Variants in PDE4D observed in about 807,000 individuals in gnomAD.
PDE4D encodes the protein 3',5'-cyclic-AMP phosphodiesterase 4D.
In PDE4D, 24 loss-of-function variants were observed where a neutral mutation model predicts 87.4. The ratio of observed to expected loss-of-function variants is 0.27; its 90% CI spans 0.20 to 0.39. PDE4D has a LOEUF of 0.39. PDE4D is among the 10% of genes least tolerant of loss of function. The pLI is 1.00. For synonymous variants in PDE4D, 384 were observed against 383.2 expected (o/e 1.00, Z -0.02); for missense variants, 714 against 1,041.0 (o/e 0.69, Z 4.32).
intron 1 of PDE4D, among the ~76,000 whole-genome samples, chr5:60,376,219 C>CTGGGCCCT (rs1245507103): frequency 1.3e-5 from 2 of 152,142 alleles, no homozygotes. Context: ...GAATGGGCCA[C>CTGGGCCCT]AAACTGCTCT....
chr5:59,208,508 G>C (rs1461367796), intron 2 of PDE4D, among the ~76,000 whole-genome samples: 4 of 152,178 alleles, frequency 2.6e-5, no homozygotes, highest in African/African-American at 9.7e-5. Context: ...ATGATACTTA[G>C]AGGTGCTGGC....
chr5:59,938,465 G>A (rs1756846365), intron 3 of PDE4D, among the ~76,000 whole-genome samples: 1 of 152,178 alleles, frequency 6.6e-6, no homozygotes, highest in African/African-American at 2.4e-5. Flanking sequence ...TGAAGAATAT[G>A]CAATCCAGCC....
intron 3 of PDE4D, among the ~76,000 whole-genome samples, chr5:59,933,252 T>A (rs557532725): frequency 4.4e-4 from 67 of 152,356 alleles, no homozygotes; most frequent in African/African-American, 1.6e-3. Flanking sequence ...ATTATTGATA[T>A]GTCTCTAAAC....
intron 1 of PDE4D, among the ~76,000 whole-genome samples, chr5:59,688,457 T>C (rs1750299169): frequency 6.6e-6 from 1 of 152,106 alleles, no homozygotes; most frequent in Non-Finnish European, 1.5e-5. Context: ...AACAACCTGC[T>C]CCTGAATGAC....
rs190905110 is a variant in PDE4D, at chr5:60,162,850, C to T, written c.42+22707G>A. ...GAAAGCCCAACACTTGGCACCCCTTCTACCTGGTACCACAGACTTAGTTTG... is the reference window on the plus strand; with the variant it reads ...GAAAGCCCAACACTTGGCACCCCTTTTACCTGGTACCACAGACTTAGTTTG... On this transcript the variant is annotated intron_variant, in intron 2 of 16. Coordinates refer to the PDE4D transcript ENST00000502484. 3.7e-4 allele frequency among the ~76,000 whole-genome samples: 56 copies of T among 152,184 alleles called. 1 individual carries two copies. The highest frequency in any genetic ancestry group is 3.4e-3 in the Middle Eastern group (1 of 290).
At chr5:60,231,145 T>C (rs1408548714) in intron 1 of PDE4D, among the ~76,000 whole-genome samples, 1 of 152,032 alleles carries the variant, frequency 6.6e-6, no homozygotes, top group East Asian at 1.9e-4. Flanking sequence ...AACAGATTCA[T>C]TCTTCCATTT....
chr5:59,415,239 T>G lies in PDE4D; in HGVS notation c.456-199271A>C, dbSNP rs189228112. On this transcript the variant is annotated intron_variant, in intron 1 of 14. Transcript: ENST00000340635. ...ATCACTCTAAGGTTCTGAGTTTAAG[T>G]GGAAAAATAGCAATGTCCTGAAGAA... Among the ~76,000 whole-genome samples the G allele has an allele frequency of 3.2e-3, 494 of 152,178 alleles. 2 individuals carry two copies. Among genetic ancestry groups the G allele is most frequent in the Non-Finnish European group, 3.5e-3 (241 of 67,996 alleles).
chr5:60,335,994 G>C (rs1247466307), intron 1 of PDE4D, among the ~76,000 whole-genome samples: 1 of 152,134 alleles, frequency 6.6e-6, no homozygotes, highest in Non-Finnish European at 1.5e-5. Flanking sequence ...TGGTCACTTG[G>C]TCAGGGCTCT....
chr5:60,187,163 G>T (rs1360428545), intron 1 of PDE4D, among the ~76,000 whole-genome samples: 3 of 152,314 alleles, frequency 2.0e-5, no homozygotes, highest in East Asian at 3.9e-4. Flanking sequence ...TCAAATGTGA[G>T]TTGCTAAGAT....
In PDE4D at chr5:59,200,333, A is replaced by C. The variant is rs556892287; in HGVS notation, c.648-6797T>G. 3.3e-4 allele frequency among the ~76,000 whole-genome samples: 40 copies of C among 120,174 alleles called. 2 individuals are homozygous for C. The highest frequency in any genetic ancestry group is 1.3e-3 in the African/African-American group (36 of 27,038). 78.8% of individuals were successfully genotyped at this position (120,174 alleles called of 152,430 possible). On this transcript the variant is annotated intron_variant, in intron 2 of 14. Transcript: ENST00000340635. ...CAGCTACACGTATACATACACGTGTATGTACAGCTACACGTATACATACAC... is the reference window on the plus strand; with the variant it reads ...CAGCTACACGTATACATACACGTGTCTGTACAGCTACACGTATACATACAC...
intron 1 of PDE4D, among the ~76,000 whole-genome samples, chr5:59,461,965 G>A (rs1223165987): frequency 6.6e-6 from 1 of 152,054 alleles, no homozygotes; most frequent in African/African-American, 2.4e-5. Flanking sequence ...CTAGCATTTT[G>A]TTAACAGATA....
At chr5:59,848,404 A>G (rs375169653) in intron 1 of PDE4D, among the ~76,000 whole-genome samples, 1 of 152,154 alleles carries the variant, frequency 6.6e-6, no homozygotes, top group East Asian at 1.9e-4. Context: ...TAAATCCATT[A>G]TTTTTGGTGT....
At chr5:59,586,432 T>A (rs905483303) in intron 1 of PDE4D, 2 of 1,591,076 alleles carry the variant, frequency 1.3e-6, no homozygotes, top group African/African-American at 2.7e-5. Flanking sequence ...CATGTAGTGA[T>A]TTTTACAGAT....
chr5:60,388,425 C>T (rs1452759611), intron 1 of PDE4D, among the ~76,000 whole-genome samples: 1 of 151,412 alleles, frequency 6.6e-6, no homozygotes, highest in Non-Finnish European at 1.5e-5. Flanking sequence ...ATATGCAGAA[C>T]GTGCAGGTTT....
At chr5:60,085,044 T>G (rs1774387206) in intron 2 of PDE4D, among the ~76,000 whole-genome samples, 1 of 152,148 alleles carries the variant, frequency 6.6e-6, no homozygotes, top group African/African-American at 2.4e-5. Context: ...TTCCTAAGAG[T>G]AATAATCTAC....
At chr5:60,102,208 G>A (rs1776284406) in intron 2 of PDE4D, among the ~76,000 whole-genome samples, 1 of 151,732 alleles carries the variant, frequency 6.6e-6, no homozygotes, top group Non-Finnish European at 1.5e-5. Flanking sequence ...TATATACCAG[G>A]GATTTTGTTT....
chr5:59,833,550 G>A (rs1204464144), intron 1 of PDE4D, among the ~76,000 whole-genome samples: 1 of 151,940 alleles, frequency 6.6e-6, no homozygotes, highest in African/African-American at 2.4e-5. Context: ...AAGCCATTGG[G>A]TTTACTGAGT....
At chr5:59,225,713 A>G (rs1753628812) in intron 1 of PDE4D, among the ~76,000 whole-genome samples, 1 of 152,164 alleles carries the variant, frequency 6.6e-6, no homozygotes, top group Non-Finnish European at 1.5e-5. Context: ...TACAACCTAC[A>G]GATTAGGAGA....
intron 1 of PDE4D, among the ~76,000 whole-genome samples, chr5:59,614,925 G>A (rs527547865): frequency 6.6e-6 from 1 of 151,778 alleles, no homozygotes; most frequent in South Asian, 2.1e-4. Context: ...CACCTCTCAG[G>A]CTCAAGCAAT....
Sources: allele counts gnomAD v4.1 joint callset (sites outside exome capture counted in the v4.1 genomes callset), GRCh38; gene constraint gnomAD v4.1.1; transcripts MANE v1.5; gene names NCBI Gene and HGNC (gene_info 2026-07-23, HGNC 2026-07-21).